DTNBP1: variants seen among roughly 807,000 people sequenced by gnomAD.
The protein encoded by DTNBP1 is dystrobrevin binding protein 1, also known as dysbindin.
In DTNBP1, 35 loss-of-function variants were observed where a neutral mutation model predicts 42.8. The observed-to-expected ratio is 0.82, with a 90% CI of 0.63 to 1.09. The LOEUF is 1.09. DTNBP1 is among the 50% of genes least tolerant of loss of function. DTNBP1 has a pLI of 0.00. For synonymous variants in DTNBP1, 171 were observed against 162.2 expected (o/e 1.05, Z -0.41); for missense variants, 457 against 424.2 (o/e 1.08, Z -0.68).
At chr6:15,523,537 C>T (rs1446729659) in intron 9 of DTNBP1, 34 of 1,270,926 alleles carry the variant, frequency 2.7e-5, no homozygotes, top group Non-Finnish European at 3.3e-5. Context: ...AGGAGCAGTC[C>T]TTGTAACCTT....
intron 4 of DTNBP1, among the ~76,000 whole-genome samples, chr6:15,631,200 T>C (rs556922331): frequency 2.2e-4 from 33 of 152,296 alleles, no homozygotes; most frequent in Admixed American, 1.7e-3. Flanking sequence ...CATTTAAATA[T>C]TTACATATAT....
At chr6:15,594,768 T>G (rs944029203) in intron 6 of DTNBP1, among the ~76,000 whole-genome samples, 4 of 152,136 alleles carry the variant, frequency 2.6e-5, no homozygotes, top group Non-Finnish European at 5.9e-5. Context: ...TAATTCTTTT[T>G]TTTTTTCTAT....
rs78726086 is a variant in DTNBP1, at chr6:15,641,556, T to C, written c.162-3752A>G. ...CCCTTGTGACCCAAAGCAATACTAT[T>C]GATGGTGACTTGAAAACCTCCTGGG... On this transcript the variant is annotated intron_variant, in intron 3 of 9. Transcript: ENST00000344537. Among the ~76,000 whole-genome samples, 593 of 152,210 alleles carry C rather than the reference T, an allele frequency of 3.9e-3. 3 individuals are homozygous for C. The highest frequency in any genetic ancestry group is 0.013 in the African/African-American group (550 of 41,522).
intron 7 of DTNBP1, among the ~76,000 whole-genome samples, chr6:15,583,752 C>T (rs571533009): frequency 5.9e-5 from 9 of 152,284 alleles, no homozygotes; most frequent in South Asian, 4.1e-4. Flanking sequence ...GACAACAAAA[C>T]GTTGTCCTGA....
chr6:15,651,040 T>C (rs1760963891), intron 3 of DTNBP1, among the ~76,000 whole-genome samples: 1 of 152,168 alleles, frequency 6.6e-6, no homozygotes, highest in South Asian at 2.1e-4. Context: ...AAATCCAGAA[T>C]CAATTTTCTT....
intron 6 of DTNBP1, among the ~76,000 whole-genome samples, chr6:15,599,922 A>G (rs1317360599): frequency 1.3e-5 from 2 of 152,184 alleles, no homozygotes; most frequent in Non-Finnish European, 2.9e-5. Context: ...CCATCCTACC[A>G]TTAATTATCA....
At chr6:15,569,669 C>T (rs757244454) in intron 7 of DTNBP1, among the ~76,000 whole-genome samples, 2 of 152,190 alleles carry the variant, frequency 1.3e-5, no homozygotes, top group Non-Finnish European at 2.9e-5. Context: ...TCTCCAGTCT[C>T]GCCACATTCC....
Position 15,523,180 on chromosome 6 carries a change from T to G in DTNBP1, c.851A>C (p.Gln284Pro). The change falls in exon 10 of 10, where the codon CAG becomes CCG. Residue 284 changes from glutamine to proline, a missense_variant. Coordinates refer to ENST00000344537, the MANE Select transcript of DTNBP1 (RefSeq NM_032122.5). ...TCTTAATTCTGAGGGATTTGGAACC[T>G]GGAGGGTAATCTCATTCTGACAGGT... ...SSTCQNEITL[Q>P]VPNPSELRAK... The G allele has an allele frequency of 6.2e-7, 1 of 1,614,212 alleles. No homozygotes were observed. The highest frequency in any genetic ancestry group is 1.3e-5 in the African/African-American group (1 of 75,046).
At chr6:15,634,516 C>A (rs1759889737) in intron 4 of DTNBP1, among the ~76,000 whole-genome samples, 1 of 152,112 alleles carries the variant, frequency 6.6e-6, no homozygotes, top group Admixed American at 6.6e-5. Context: ...CAGGATTTCA[C>A]CACGTTGCTC....
intron 7 of DTNBP1, among the ~76,000 whole-genome samples, chr6:15,555,414 G>A (rs898080659): frequency 8.6e-5 from 13 of 151,990 alleles, no homozygotes; most frequent in African/African-American, 2.9e-4. Flanking sequence ...GTCACAGGAT[G>A]AGATAGGAAG....
At chr6:15,607,928 A>C (rs1758171464) in intron 6 of DTNBP1, among the ~76,000 whole-genome samples, 1 of 152,202 alleles carries the variant, frequency 6.6e-6, no homozygotes, top group African/African-American at 2.4e-5. Context: ...TTTCACAAGC[A>C]GCCATGTTCA....
intron 7 of DTNBP1, among the ~76,000 whole-genome samples, chr6:15,566,177 T>A (rs1775067006): frequency 6.6e-6 from 1 of 150,914 alleles, no homozygotes; most frequent in African/African-American, 2.4e-5. Flanking sequence ...TAGCCGGGCG[T>A]AGTGGCGGGC....
At chr6:15,660,318 A>C in intron 1 of DTNBP1, 1 of 1,273,976 alleles carries the variant, frequency 7.8e-7, no homozygotes, top group Non-Finnish European at 1.0e-6. Context: ...TATGTAAAGG[A>C]GGTTGATCTC....
At chr6:15,533,516 G>A (rs1773017248) in intron 7 of DTNBP1, 121 bp from the exon 8 acceptor site, 1 of 1,520,668 alleles carries the variant, frequency 6.6e-7, no homozygotes, top group Admixed American at 1.7e-5. Context: ...TACAGACTGG[G>A]CTGGTGCCCC....
chr6:15,648,377 A>G (rs929428643), intron 3 of DTNBP1, among the ~76,000 whole-genome samples: 1 of 152,090 alleles, frequency 6.6e-6, no homozygotes, highest in Non-Finnish European at 1.5e-5. Context: ...GATTCAACAC[A>G]GTACTGGATG....
chr6:15,626,851 C>G (rs576304361), intron 5 of DTNBP1, among the ~76,000 whole-genome samples: 16 of 152,290 alleles, frequency 1.1e-4, no homozygotes, highest in African/African-American at 3.4e-4. Flanking sequence ...TCCAGAATAG[C>G]TGCAACTGCA....
chr6:15,579,801 C>T (rs1355140241), intron 7 of DTNBP1: 3 of 452,542 alleles, frequency 6.6e-6, no homozygotes. Flanking sequence ...GAGTGAGACT[C>T]CCTCTCAAAA....
intron 3 of DTNBP1, among the ~76,000 whole-genome samples, chr6:15,645,336 T>G (rs969874578): frequency 1.3e-5 from 2 of 152,044 alleles, no homozygotes; most frequent in African/African-American, 4.8e-5. Context: ...ACCAGATGGA[T>G]TTACAGCTAA....
intron 7 of DTNBP1, among the ~76,000 whole-genome samples, chr6:15,537,240 G>C (rs1413630534): frequency 4.0e-4 from 60 of 151,756 alleles, no homozygotes; most frequent in Middle Eastern, 3.4e-3. Context: ...CTAACATGGT[G>C]GTCATGTATT....
Sources: gnomAD v4.1 joint callset for allele counts (sites outside exome capture counted in the v4.1 genomes callset) on GRCh38, gnomAD v4.1.1 for gene constraint, MANE v1.5 for transcripts, NCBI Gene and HGNC (gene_info 2026-07-23, HGNC 2026-07-21) for gene names.